The following GFM1 variants were observed in gnomAD, a reference collection of about 807,000 sequenced individuals.
The protein encoded by GFM1 is G elongation factor mitochondrial 1.
GFM1 carries 62 observed loss-of-function variants against 96.2 expected under a neutral mutation model. The observed-to-expected ratio is 0.64, with a 90% confidence interval of 0.53 to 0.80. GFM1 has a LOEUF of 0.80. Ranked by LOEUF, GFM1 falls within the 30% of genes least tolerant of loss-of-function variation. GFM1 has a pLI of 0.00. For missense variants in GFM1, 852 were observed against 916.6 expected (o/e 0.93, Z 0.91); for synonymous variants, 282 against 312.9 (o/e 0.90, Z 1.04).
intron 13 of GFM1, among the ~76,000 whole-genome samples, chr3:158,675,309 A>G (rs6441216): frequency 0.21 from 16,204 of 78,022 alleles, 1,864 homozygotes; most frequent in South Asian, 0.27. Flanking sequence ...AAAAAAAAAA[A>G]ACAAGTTTTC....
chr3:158,690,320 A>G lies in GFM1; in HGVS notation c.2067A>G (p.Ala689=), dbSNP rs1477573548. 1 of 1,613,322 alleles carries G rather than the reference A, an allele frequency of 6.2e-7. No individual in the cohort carries two copies. Among genetic ancestry groups the G allele is most frequent in the East Asian group, 2.2e-5 (1 of 44,860 alleles). The change falls in exon 16 of 18, where the codon GCA becomes GCG. Residue 689 remains alanine (A), a synonymous_variant. Coordinates refer to ENST00000486715, the MANE Select transcript of GFM1 (RefSeq NM_024996.7). Reference sequence around the variant, plus strand: ...TTGAGGACTATTTTACACTGTATGCAGATGTAAGTAGTCTTGGTCATTGGC... The same window carrying G: ...TTGAGGACTATTTTACACTGTATGCGGATGTAAGTAGTCTTGGTCATTGGC... The part of the protein sequence containing the change: ...DGVEDYFTLY[A]DVPLNDMFGY...
In GFM1 at chr3:158,665,356, CA is replaced by C. The variant is rs779877297; in HGVS notation, c.1404del (p.Gly469ValfsTer84). 23 of 1,610,464 alleles carry C rather than the reference CA, an allele frequency of 1.4e-5. No individual in the cohort carries two copies. The highest frequency in any genetic ancestry group is 2.0e-5 in the Non-Finnish European group (23 of 1,177,110). ...TTAAAGAACGATCTGGAAAAATTTT[CA>C]AAAGGTATTGGCAGGTTTACAAGAG... is the stretch of plus-strand genomic sequence containing the variant. ...PSNKNDLEKF[S>X]KGIGRFTRED... On this transcript the variant is annotated frameshift_variant, in exon 12 of 18. Coordinates refer to ENST00000486715, the MANE Select transcript of GFM1 (RefSeq NM_024996.7). LOFTEE classifies it high-confidence loss of function.
Position 158,691,432 on chromosome 3 carries a change from C to T in GFM1, c.2221C>T (p.Gln741Ter), listed in dbSNP as rs1726312109. The T allele has an allele frequency of 6.2e-7, 1 of 1,613,512 alleles. No individual in the cohort carries two copies. The highest frequency in any genetic ancestry group is 1.7e-5 in the Admixed American group (1 of 59,992). The change falls in exon 18 of 18, where the codon CAA becomes TAA. Residue 741 changes from glutamine to a stop codon, truncating the protein, a stop_gained. Transcript: ENST00000486715. LOFTEE classifies it high-confidence loss of function. The stretch of plus-strand genomic sequence containing the variant: ...TAATAAGTATTTGGAAGCTACAGGT[C>T]AACTTCCTGTTAAAAAAGGAAAAGC... ...VINKYLEATG[Q>*]LPVKKGKAKN
At chr3:158,649,220 G>T (rs1171245169) in intron 5 of GFM1, 63 bp downstream of exon 5, 9 of 761,392 alleles carry the variant, frequency 1.2e-5, no homozygotes, top group Non-Finnish European at 1.6e-5. Context: ...AGAAGGAAAG[G>T]ATAAGTTCAT....
rs1721877627 is a variant in GFM1, at chr3:158,647,008, A to C, written c.572+61A>C. On this transcript the variant is annotated intron_variant, in intron 4 of 17. Coordinates refer to ENST00000486715, the MANE Select transcript of GFM1 (RefSeq NM_024996.7). ...GATCTAGACAGCAAACCTTATATCCAAAAGGGTGATTAATTCACTGTCATT... is the reference window on the plus strand; with the variant it reads ...GATCTAGACAGCAAACCTTATATCCCAAAGGGTGATTAATTCACTGTCATT... 2.3e-6 allele frequency: 3 copies of C among 1,284,476 alleles called. No individual in the cohort carries two copies. In the South Asian group the frequency reaches 3.6e-5, roughly 15 times the overall value. 79.6% of individuals were successfully genotyped at this position (1,284,476 alleles called of 1,614,324 possible).
At position 158,690,234 on chromosome 3, in the gene GFM1, C is replaced by T; in HGVS notation, c.1981C>T (p.Gln661Ter). The change falls in exon 16 of 18, where the codon CAG becomes TAG. Residue 661 changes from glutamine (Q) to a stop codon, truncating the protein, a stop_gained. Coordinates refer to ENST00000486715, the MANE Select transcript of GFM1 (RefSeq NM_024996.7). LOFTEE classifies it high-confidence loss of function. ...AVEVVAPNEF[Q>*]GQVIAGINRR... ...GGAAGTTGTAGCTCCAAATGAATTT[C>T]AGGGACAAGTAATTGCAGGAATTAA... 1 of 1,613,276 alleles carries T rather than the reference C, an allele frequency of 6.2e-7. No homozygotes were observed. The highest frequency in any genetic ancestry group is 8.5e-7 in the Non-Finnish European group (1 of 1,179,606).
At position 158,646,781 on chromosome 3, in the gene GFM1, A is replaced by G. The variant is rs759213430; in HGVS notation, c.406A>G (p.Arg136Gly). The G allele has an allele frequency of 5.0e-6, 8 of 1,614,142 alleles. No homozygotes were observed. Among genetic ancestry groups the G allele is most frequent in the Non-Finnish European group, 6.8e-6 (8 of 1,180,018 alleles). Residue 136 changes from arginine (R) to glycine (G), a missense_variant, in exon 4 of 18, where the codon AGA becomes GGA. Physicochemically the swap from Arg to Gly is moderately radical, Grantham distance 125. Transcript: ENST00000486715. ...CACAATAGAAGTGGAAAGGGCCCTGAGAGTGTTGGATGGTGCAGTCCTTGT... is the reference window on the plus strand; with the variant it reads ...CACAATAGAAGTGGAAAGGGCCCTGGGAGTGTTGGATGGTGCAGTCCTTGT... ...DFTIEVERAL[R>G]VLDGAVLVLC...
chr3:158,651,374 G>A (rs2060016), intron 5 of GFM1, among the ~76,000 whole-genome samples: 62,806 of 151,708 alleles, frequency 0.41, 14,077 homozygotes, highest in African/African-American at 0.6. Context: ...TGGGCCCTAG[G>A]CAGGTTGGCT....
chr3:158,687,770 C>A (rs1014697539), intron 15 of GFM1, among the ~76,000 whole-genome samples: 9 of 151,998 alleles, frequency 5.9e-5, no homozygotes, highest in African/African-American at 2.2e-4. Flanking sequence ...TGCGCCTGGC[C>A]TATATAATTA....
intron 11 of GFM1, 109 bp downstream of exon 11, chr3:158,662,793 T>C: frequency 1.3e-6 from 1 of 756,254 alleles, no homozygotes. Context: ...TCTTATGGTC[T>C]CTATTTCCTC....
At chr3:158,672,642 G>A in intron 13 of GFM1, 2 of 771,214 alleles carry the variant, frequency 2.6e-6, no homozygotes, top group Non-Finnish European at 4.0e-6. Flanking sequence ...TCCGGAAGCT[G>A]CTGTTTGGGC....
At chr3:158,666,206 T>C (rs1399938991) in intron 12 of GFM1, 98 bp from the exon 13 acceptor site, 1 of 800,508 alleles carries the variant, frequency 1.2e-6, no homozygotes, top group Non-Finnish European at 2.1e-6. Context: ...TTATCTATTA[T>C]ATTTAAGTGA....
chr3:158,647,927 A>T (rs1576724628), intron 4 of GFM1, among the ~76,000 whole-genome samples: 1 of 152,052 alleles, frequency 6.6e-6, no homozygotes, highest in African/African-American at 2.4e-5. Flanking sequence ...TCTGACCTTC[A>T]TGCCTTGTCT....
chr3:158,676,396 A>G (rs1215140046), intron 13 of GFM1, among the ~76,000 whole-genome samples: 1 of 152,224 alleles, frequency 6.6e-6, no homozygotes, highest in Admixed American at 6.5e-5. Context: ...TATAATAACT[A>G]CAGAAAAACA....
chr3:158,644,975 C>A, intron 1 of GFM1: 12 of 324,376 alleles, frequency 3.7e-5, no homozygotes, highest in East Asian at 5.8e-5. Context: ...TCCACCTTTT[C>A]TAAGGTTTTT....
chr3:158,660,248 C>CT (rs111424383), intron 9 of GFM1: 31,243 of 135,352 alleles, frequency 0.23, 3,895 homozygotes, highest in African/African-American at 0.33. Flanking sequence ...TAGTACATGC[C>CT]TTTTTTTTTT....
chr3:158,646,012 G>A, intron 2 of GFM1, 153 bp from the exon 3 acceptor site: 1 of 1,019,320 alleles, frequency 9.8e-7, no homozygotes. Context: ...CAAACTCTTG[G>A]GCTCAAATTA....
At position 158,695,570 on chromosome 3, in the gene GFM1, T is replaced by G. The variant is rs1352515108; in HGVS notation, c.*4103T>G. On this transcript the variant is annotated 3_prime_UTR_variant, in exon 18 of 18. Coordinates refer to ENST00000486715, the MANE Select transcript of GFM1 (RefSeq NM_024996.7). ...GTAATAAATCTGCTAAAAGGTTACC[T>G]TAGAAACATTACCTGGTTGGATTAT... 1 of 152,200 alleles carries G rather than the reference T, an allele frequency of 6.6e-6. No homozygotes were observed. The highest frequency in any genetic ancestry group is 1.5e-5 in the Non-Finnish European group (1 of 68,036). The allele number at this position is 152,200 out of a possible 1,614,324, so 9.4% of individuals were successfully genotyped here.
In GFM1 at chr3:158,652,113, G is replaced by A. The variant is rs1415352138; in HGVS notation, c.707G>A (p.Gly236Asp). The A allele has an allele frequency of 5.0e-6, 8 of 1,614,066 alleles. No individual in the cohort carries two copies. The highest frequency in any genetic ancestry group is 3.3e-5 in the Admixed American group (2 of 60,022). Residue 236 changes from glycine (G) to aspartate (D), a missense_variant, in exon 6 of 18, where the codon GGT becomes GAT. Transcript: ENST00000486715. The part of the protein sequence containing the change: ...DGDFGQIVRY[G>D]EIPAELRAAA... ...TTTCTTAGTCAGATTGTTCGATATG[G>A]TGAGATTCCAGCTGAATTAAGGGCG...
Sources: allele counts gnomAD v4.1 joint callset (sites outside exome capture counted in the v4.1 genomes callset), GRCh38; gene constraint gnomAD v4.1.1; transcripts MANE v1.5; gene names NCBI Gene and HGNC (gene_info 2026-07-23, HGNC 2026-07-21).